The following ABTB3 variants were observed in gnomAD, a reference collection of about 807,000 sequenced individuals.
ABTB3 encodes the protein ankyrin repeat and BTB domain containing 3, also known as ankyrin repeat- and BTB/POZ domain-containing protein 3.
chr12:107,479,942 C>T, the ABTB3 span, among the ~76,000 whole-genome samples: 1 of 152,122 alleles, frequency 6.6e-6, no homozygotes, highest in Non-Finnish European at 1.5e-5. Context: ...GATAGCCAGC[C>T]TCAGATCCCA....
the ABTB3 span, among the ~76,000 whole-genome samples, chr12:107,379,621 C>T: frequency 1.3e-5 from 2 of 152,084 alleles, no homozygotes; most frequent in Non-Finnish European, 2.9e-5. Flanking sequence ...GAAAATGGAC[C>T]AATACACCAG....
At chr12:107,384,266 G>T in the ABTB3 span, among the ~76,000 whole-genome samples, 1 of 152,192 alleles carries the variant, frequency 6.6e-6, no homozygotes, top group Non-Finnish European at 1.5e-5. Context: ...TTAGGGCCAT[G>T]TAGCTAGGAG....
At chr12:107,556,953 A>C in the ABTB3 span, among the ~76,000 whole-genome samples, 1 of 152,048 alleles carries the variant, frequency 6.6e-6, no homozygotes, top group Admixed American at 6.6e-5. Flanking sequence ...TGGAGGTTGA[A>C]GTGAGCTGAG....
the ABTB3 span, among the ~76,000 whole-genome samples, chr12:107,461,840 C>T: frequency 1.1e-4 from 16 of 152,250 alleles, no homozygotes; most frequent in African/African-American, 2.6e-4. Context: ...GCCTGGCACT[C>T]GGCATAATCA....
the ABTB3 span, among the ~76,000 whole-genome samples, chr12:107,489,341 T>A: frequency 6.6e-6 from 1 of 152,104 alleles, no homozygotes. Context: ...ACCAACATCG[T>A]GAAACCCCAT....
the ABTB3 span, among the ~76,000 whole-genome samples, chr12:107,422,547 G>A: frequency 6.6e-6 from 1 of 152,228 alleles, no homozygotes; most frequent in African/African-American, 2.4e-5. Flanking sequence ...ACCAAGAGGA[G>A]ACTTTCACAG....
At chr12:107,576,637 G>A in the ABTB3 span, among the ~76,000 whole-genome samples, 1 of 152,180 alleles carries the variant, frequency 6.6e-6, no homozygotes, top group African/African-American at 2.4e-5. Context: ...ATAGGAATTT[G>A]GGGGAACACG....
At chr12:107,502,539 A>G in the ABTB3 span, among the ~76,000 whole-genome samples, 314 of 152,014 alleles carry the variant, frequency 2.1e-3, 2 homozygotes, top group African/African-American at 7.2e-3. Context: ...ACATATATAC[A>G]GTGTATTTAT....
the ABTB3 span, among the ~76,000 whole-genome samples, chr12:107,478,431 G>A: frequency 6.6e-6 from 1 of 152,160 alleles, no homozygotes; most frequent in Non-Finnish European, 1.5e-5. Context: ...CTTGCATCTG[G>A]CACACAGTAG....
the ABTB3 span, among the ~76,000 whole-genome samples, chr12:107,562,350 G>A: frequency 6.6e-6 from 1 of 152,376 alleles, no homozygotes; most frequent in South Asian, 2.1e-4. Flanking sequence ...AGTGGTCAGA[G>A]AAGTTTTCTC....
the ABTB3 span, among the ~76,000 whole-genome samples, chr12:107,601,212 C>G: frequency 1.3e-5 from 2 of 151,164 alleles, no homozygotes; most frequent in African/African-American, 4.9e-5. Flanking sequence ...TTCACCTGCC[C>G]AAGATCCCTT....
At chr12:107,473,215 T>A in the ABTB3 span, among the ~76,000 whole-genome samples, 1 of 152,276 alleles carries the variant, frequency 6.6e-6, no homozygotes, top group Non-Finnish European at 1.5e-5. Context: ...GCCCAGTGCC[T>A]TTTTACCACC....
chr12:107,443,201 G>A, the ABTB3 span, among the ~76,000 whole-genome samples: 3 of 152,102 alleles, frequency 2.0e-5, no homozygotes, highest in Non-Finnish European at 4.4e-5. Flanking sequence ...AAATCTATAA[G>A]GGAGTGGGAT....
the ABTB3 span, among the ~76,000 whole-genome samples, chr12:107,654,838 A>ACACACACG: frequency 6.7e-6 from 1 of 149,198 alleles, no homozygotes; most frequent in Non-Finnish European, 1.5e-5. Context: ...ACACACACAC[A>ACACACACG]CACACACACA....
chr12:107,399,376 G>A, the ABTB3 span, among the ~76,000 whole-genome samples: 1 of 152,146 alleles, frequency 6.6e-6, no homozygotes, highest in African/African-American at 2.4e-5. Flanking sequence ...CCAAGCAGGG[G>A]CACAGCACCC....
At chr12:107,392,628 T>C in the ABTB3 span, among the ~76,000 whole-genome samples, 2 of 152,200 alleles carry the variant, frequency 1.3e-5, no homozygotes, top group Non-Finnish European at 2.9e-5. Context: ...AGAAGGGCTA[T>C]CTTTGACCAA....
the ABTB3 span, chr12:107,581,013 G>A: frequency 6.4e-7 from 1 of 1,552,196 alleles, no homozygotes. Context: ...CAGAGGCAGG[G>A]TCTCCAGGGA....
chr12:107,492,039 G>A, the ABTB3 span, among the ~76,000 whole-genome samples: 4 of 152,092 alleles, frequency 2.6e-5, no homozygotes, highest in African/African-American at 9.7e-5. Flanking sequence ...TTTGGAGTGA[G>A]CTAAAGTGTG....
At chr12:107,504,255 A>G in the ABTB3 span, among the ~76,000 whole-genome samples, 6 of 152,190 alleles carry the variant, frequency 3.9e-5, no homozygotes, top group Admixed American at 1.3e-4. Context: ...TCTTTATATC[A>G]GTGTGCACAT....
Sources: allele counts gnomAD v4.1 joint callset (sites outside exome capture counted in the v4.1 genomes callset), GRCh38; gene constraint gnomAD v4.1.1; transcripts MANE v1.5; gene names NCBI Gene and HGNC (gene_info 2026-07-23, HGNC 2026-07-21).